RPS6KA2: variants seen among roughly 807,000 people sequenced by gnomAD.
RPS6KA2 encodes ribosomal protein S6 kinase alpha-2.
A neutral mutation model predicts 91.8 loss-of-function variants in RPS6KA2; 42 were observed. That is an observed-to-expected ratio of 0.46 (90% CI 0.36 to 0.59). The LOEUF (loss-of-function observed/expected upper bound fraction) is 0.59. Among genes scored for constraint, RPS6KA2 ranks in the 20% least tolerant of loss-of-function variants. The pLI is 0.00. For missense variants in RPS6KA2, 798 were observed against 978.5 expected, an observed-to-expected ratio of 0.82 and a Z score of 2.46; for synonymous variants, 414 against 393.6, an observed-to-expected ratio of 1.05 and a Z score of -0.61.
Position 166,490,814 on chromosome 6 carries a change from A to G in RPS6KA2, c.748-73T>C. The G allele has an allele frequency of 8.9e-7, 1 of 1,127,204 alleles. No homozygotes were observed. Among genetic ancestry groups the G allele is most frequent in the Non-Finnish European group, 1.3e-6 (1 of 756,816 alleles). 69.8% of individuals were successfully genotyped at this position (1,127,204 alleles called of 1,614,324 possible). A position where few individuals can be genotyped will look rare whatever the true frequency, so the allele number is the denominator to read the frequency against. On this transcript the variant is annotated intron_variant, in intron 8 of 20. Transcript: ENST00000265678. The surrounding 1 kb of genome is among the most constrained non-coding windows in gnomAD (Gnocchi z 4.2). Reference sequence around the variant, plus strand: ...CGGCTTCACGGCAGAGTACCCCAGCAGGGCAGCCTGCTACCGTGTCCATTT... The same window carrying G: ...CGGCTTCACGGCAGAGTACCCCAGCGGGGCAGCCTGCTACCGTGTCCATTT...
At chr6:166,469,371 C>T (rs950726814) in intron 11 of RPS6KA2, among the ~76,000 whole-genome samples, 7 of 145,672 alleles carry the variant, frequency 4.8e-5, no homozygotes, top group Non-Finnish European at 8.9e-5. Context: ...TGGGCATCAG[C>T]TTGACTAACG....
In RPS6KA2 at chr6:166,695,712, TAGGAGCACTGGATTCTCAC is replaced by T. The variant is rs1562387923; in HGVS notation, c.124-156947_124-156929del. ...TTCTCCTAGGAGCACTGGATTCTCC[TAGGAGCACTGGATTCTCAC>T]AGGAGCACTGGATTCTCACAGGAGC... On this transcript the variant is annotated intron_variant, in intron 2 of 21. Coordinates refer to the RPS6KA2 transcript ENST00000503859. Among the ~76,000 whole-genome samples, 867 of 129,562 alleles carry T rather than the reference TAGGAGCACTGGATTCTCAC, an allele frequency of 6.7e-3. 12 individuals are homozygous for T. Among genetic ancestry groups the T allele is most frequent in the East Asian group, 0.02 (101 of 5,080 alleles). The allele number at this position is 129,562 out of a possible 152,430, so 85.0% of individuals were successfully genotyped here. A position where few individuals can be genotyped will look rare whatever the true frequency, so the allele number is the denominator to read the frequency against.
intron 1 of RPS6KA2, among the ~76,000 whole-genome samples, chr6:166,578,424 T>C (rs912209388): frequency 2.0e-5 from 3 of 152,212 alleles, no homozygotes; most frequent in Admixed American, 1.3e-4. Flanking sequence ...CATCATTATG[T>C]AGGAGCTGGG....
At chr6:166,686,502 C>A (rs1396098238) in intron 2 of RPS6KA2, among the ~76,000 whole-genome samples, 2 of 152,224 alleles carry the variant, frequency 1.3e-5, no homozygotes, top group African/African-American at 4.8e-5. Flanking sequence ...AGCACACATG[C>A]TCTGCACCCA....
chr6:166,833,066 T>C (rs1260619253), intron 2 of RPS6KA2, among the ~76,000 whole-genome samples: 7 of 152,236 alleles, frequency 4.6e-5, no homozygotes, highest in South Asian at 2.1e-4. Context: ...TATTGAGTGC[T>C]TACTGTGTGC....
At chr6:166,543,406 C>T (rs893271570) in intron 1 of RPS6KA2, among the ~76,000 whole-genome samples, 1 of 152,176 alleles carries the variant, frequency 6.6e-6, no homozygotes. Flanking sequence ...AACTTGGCTT[C>T]GTCTAGAATC....
At position 166,432,400 on chromosome 6, in the gene RPS6KA2, C is replaced by T. The variant is rs368333582; in HGVS notation, c.1422+1G>A. 6.2e-7 allele frequency: 1 copy of T among 1,606,174 alleles called. No individual in the cohort carries two copies. The highest frequency in any genetic ancestry group is 8.5e-7 in the Non-Finnish European group (1 of 1,173,062). On this transcript the variant is annotated splice_donor_variant, in intron 15 of 20. Transcript: ENST00000265678. LOFTEE classifies it high-confidence loss of function. Reference sequence around the variant, plus strand: ...GATGCTGTTGCACGGGGACCACTCACATCCTTGAGGGTGATGATGTTCGGG... The same window carrying T: ...GATGCTGTTGCACGGGGACCACTCATATCCTTGAGGGTGATGATGTTCGGG...
chr6:166,800,727 C>T (rs1025262859), intron 2 of RPS6KA2, among the ~76,000 whole-genome samples: 5 of 152,144 alleles, frequency 3.3e-5, no homozygotes, highest in African/African-American at 1.2e-4. Context: ...TTACAGCAAC[C>T]TGAACAAAGA....
At chr6:166,487,499 C>G (rs140996130) in intron 10 of RPS6KA2, among the ~76,000 whole-genome samples, 186 of 152,206 alleles carry the variant, frequency 1.2e-3, no homozygotes, top group Non-Finnish European at 2.1e-3. Flanking sequence ...AAGGCGCTGA[C>G]AGTGGGTTAT....
chr6:166,519,690 G>A lies in RPS6KA2; in HGVS notation c.299-9333C>T, dbSNP rs576475880. 1.1e-4 allele frequency among the ~76,000 whole-genome samples: 17 copies of A among 152,322 alleles called. No homozygotes were observed. The East Asian group carries it at 3.3e-3, about 29-fold the overall frequency. On this transcript the variant is annotated intron_variant, in intron 3 of 20. Transcript: ENST00000265678. ...AGGAAAACACGGGAGGAAGCACTTT[G>A]TGAGATTATCCTGGCAGGCATAGGA...
intron 2 of RPS6KA2, among the ~76,000 whole-genome samples, chr6:166,841,648 C>CA (rs2128630015): frequency 6.6e-6 from 1 of 152,352 alleles, no homozygotes; most frequent in African/African-American, 2.4e-5. Flanking sequence ...CGAAGGCCTG[C>CA]AGAGGCTGAG....
At chr6:166,588,700 T>C (rs914347828) in intron 1 of RPS6KA2, among the ~76,000 whole-genome samples, 3 of 152,242 alleles carry the variant, frequency 2.0e-5, no homozygotes, top group Non-Finnish European at 4.4e-5. Flanking sequence ...TGGGCTTTAT[T>C]GCTGCCCTGT....
chr6:166,621,908 C>A (rs758700951), intron 1 of RPS6KA2, among the ~76,000 whole-genome samples: 4 of 152,162 alleles, frequency 2.6e-5, no homozygotes, highest in Non-Finnish European at 5.9e-5. Flanking sequence ...CTGGAAGCTG[C>A]CTCAGAGAGT....
In RPS6KA2 at chr6:166,591,314, C is replaced by T. The variant is rs374890952; in HGVS notation, c.99+35607G>A. Among the ~76,000 whole-genome samples the T allele has an allele frequency of 3.9e-5, 6 of 152,320 alleles. No homozygotes were observed. In the East Asian group the frequency reaches 1.2e-3, roughly 29 times the overall value. ...CTGGGATGAGCAGAATGCCTTTAGA[C>T]CAGTCACAGTGTGGCTGCTTCCGTC... On this transcript the variant is annotated intron_variant, in intron 1 of 20. Transcript: ENST00000265678.
intron 10 of RPS6KA2, among the ~76,000 whole-genome samples, chr6:166,482,633 G>A (rs1053426412): frequency 5.3e-5 from 8 of 152,200 alleles, no homozygotes; most frequent in South Asian, 2.1e-4. Context: ...GGCTTCGGGC[G>A]ATGATGAGGA....
chr6:166,745,148 C>CTTTTT (rs147789754), intron 2 of RPS6KA2, among the ~76,000 whole-genome samples: 1 of 105,922 alleles, frequency 9.4e-6, no homozygotes, highest in Admixed American at 9.8e-5. Context: ...CCTAATCGGC[C>CTTTTT]TTTTTTTTTT....
intron 2 of RPS6KA2, among the ~76,000 whole-genome samples, chr6:166,854,014 G>A (rs1219591311): frequency 6.6e-6 from 1 of 152,218 alleles, no homozygotes; most frequent in East Asian, 1.9e-4. Context: ...ATCTCTTAAA[G>A]ACGTATTGCC....
At chr6:166,458,319 T>C (rs1780169674) in intron 12 of RPS6KA2, among the ~76,000 whole-genome samples, 1 of 152,202 alleles carries the variant, frequency 6.6e-6, no homozygotes, top group Non-Finnish European at 1.5e-5. Flanking sequence ...TCATGAGATC[T>C]GAGAGTTTTA....
chr6:166,728,662 G>C (rs1484627394), intron 2 of RPS6KA2, among the ~76,000 whole-genome samples: 1 of 152,158 alleles, frequency 6.6e-6, no homozygotes, highest in Non-Finnish European at 1.5e-5. Context: ...GTGTTGTCTT[G>C]ATTTTACAAT....
Sources: allele counts gnomAD v4.1 joint callset (sites outside exome capture counted in the v4.1 genomes callset), GRCh38; gene constraint gnomAD v4.1.1; non-coding constraint Gnocchi (gnomAD v3.1); transcripts MANE v1.5; gene names NCBI Gene and HGNC (gene_info 2026-07-23, HGNC 2026-07-21).